The following ZNF91 variants were observed in gnomAD, a reference collection of about 807,000 sequenced individuals.
ZNF91 encodes the protein zinc finger protein 91 (HPF7, HTF10).
ZNF91 carries 7 observed loss-of-function variants against 12.6 expected under a neutral mutation model. That is an observed-to-expected ratio of 0.55 (90% CI 0.31 to 1.04). The LOEUF is 1.04. Among genes scored for constraint, ZNF91 ranks in the 50% least tolerant of loss-of-function variants. The probability of loss-of-function intolerance (pLI) is 0.05; values close to 1 mark genes in which losing one functional copy is unlikely to be tolerated. For synonymous variants in ZNF91, 453 were observed against 462.6 expected, an observed-to-expected ratio of 0.98 and a Z score of 0.27; for missense variants, 1,217 against 1,385.4, an observed-to-expected ratio of 0.88 and a Z score of 1.93.
At chr19:23,375,163 A>AAT (rs1568396769) in intron 1 of ZNF91, among the ~76,000 whole-genome samples, 1 of 146,180 alleles carries the variant, frequency 6.8e-6, no homozygotes, top group African/African-American at 2.5e-5. Context: ...ACCACTCAAA[A>AAT]TTTTTTTTTT....
intron 1 of ZNF91, among the ~76,000 whole-genome samples, chr19:23,323,217 T>C (rs1303649707): frequency 6.7e-6 from 1 of 148,808 alleles, no homozygotes; most frequent in Non-Finnish European, 1.5e-5. Context: ...CCTCTTACTT[T>C]TCCTTTCTCT....
At position 23,347,556 on chromosome 19, in the gene ZNF91, C is replaced by T. The variant is rs1968261821; in HGVS notation, c.254-8502G>A. ...AAAGGAGGACTACCAAGCCCAAAAC[C>T]TTCAAAAACAAGGACCATGGTATGT... On this transcript the variant is annotated intron_variant, in intron 3 of 3. Transcript: ENST00000599743. Among the ~76,000 whole-genome samples, 3 of 152,146 alleles carry T rather than the reference C, an allele frequency of 2.0e-5. No homozygotes were observed. The South Asian group carries it at 6.2e-4, about 32-fold the overall frequency.
At chr19:23,332,038 G>GT (rs1179472097) in intron 1 of ZNF91, among the ~76,000 whole-genome samples, 5 of 152,144 alleles carry the variant, frequency 3.3e-5, no homozygotes, top group Non-Finnish European at 7.4e-5. Flanking sequence ...TTTTAAATAA[G>GT]TTTAACCTAC....
intron 1 of ZNF91, among the ~76,000 whole-genome samples, chr19:23,322,183 T>TG (rs1338249748): frequency 2.0e-5 from 3 of 152,238 alleles, no homozygotes; most frequent in Non-Finnish European, 2.9e-5. Context: ...CTCTTCTTCC[T>TG]GAGCCCTACC....
Position 23,361,908 on chromosome 19 carries a change from T to G in ZNF91, c.1071A>C (p.Lys357Asn). 1 of 1,613,586 alleles carries G rather than the reference T, an allele frequency of 6.2e-7. No homozygotes were observed. Among genetic ancestry groups the G allele is most frequent in the South Asian group, 1.1e-5 (1 of 91,072 alleles). Residue 357 changes from lysine (K) to asparagine (N), a missense_variant, in exon 4 of 4, where the codon AAA (lysine) becomes AAC (asparagine). Lys to Asn is a moderately conservative substitution (Grantham distance 94). Coordinates refer to ENST00000300619, the MANE Select transcript of ZNF91 (RefSeq NM_003430.4). ...CAAGGGTTGAGGAATTGCTAAAAGCTTTGCCACATTCTTTACATTTGTAGG... is the reference window on the plus strand; with the variant it reads ...CAAGGGTTGAGGAATTGCTAAAAGCGTTGCCACATTCTTTACATTTGTAGG... ...EKPYKCKECG[K>N]AFSNSSTLAN... is the part of the protein sequence containing the mutation.
At position 23,359,214 on chromosome 19, in the gene ZNF91, A is replaced by G. The variant is rs1599717786; in HGVS notation, c.*189T>C. On this transcript the variant is annotated 3_prime_UTR_variant, in exon 4 of 4. Transcript: ENST00000300619. ...CTTTATATTTGTAGGGTTTCTCTCT[A>G]GTATGAATTTTCTTTTTTTTTTTTT... 4.2e-6 allele frequency: 2 copies of G among 475,586 alleles called. No individual in the cohort carries two copies. Among genetic ancestry groups the G allele is most frequent in the East Asian group, 4.3e-5 (1 of 23,404 alleles). 29.5% of individuals were successfully genotyped at this position (475,586 alleles called of 1,614,324 possible).
At chr19:23,321,368 A>G (rs191969152) in intron 1 of ZNF91, among the ~76,000 whole-genome samples, 2 of 152,092 alleles carry the variant, frequency 1.3e-5, no homozygotes, top group African/African-American at 4.8e-5. Context: ...CAGAAGGGAC[A>G]TTGTGACACA....
At chr19:23,348,866 A>C (rs1568376437) in intron 3 of ZNF91, among the ~76,000 whole-genome samples, 5 of 152,094 alleles carry the variant, frequency 3.3e-5, no homozygotes, top group Non-Finnish European at 7.3e-5. Context: ...GAATATTAAT[A>C]ATTAATAACC....
Position 23,362,244 on chromosome 19 carries a change from T to A in ZNF91, c.735A>T (p.Lys245Asn), listed in dbSNP as rs772636814. Residue 245 changes from lysine (K) to asparagine (N), a missense_variant, in exon 4 of 4, where the codon AAA becomes AAT. By Grantham distance (94) the Lys-to-Asn change is moderately conservative. This residue lies in a region of ZNF91 where 726 missense variants were observed against 895.5 expected (regional missense o/e 0.81). Coordinates refer to ENST00000300619, the MANE Select transcript of ZNF91 (RefSeq NM_003430.4). ...TAAGGGTTGAGAGCTGCTTAAAAGC[T>A]TTGCCACATTCTTCACATTTGTAGG... ...DKPYKCEECG[K>N]AFKQLSTLTT... 6.2e-7 allele frequency: 1 copy of A among 1,614,118 alleles called. No homozygotes were observed. Among genetic ancestry groups the A allele is most frequent in the South Asian group, 1.1e-5 (1 of 91,080 alleles).
At chr19:23,324,982 G>A (rs1967810748) in intron 1 of ZNF91, 1 of 151,798 alleles carries the variant, frequency 6.6e-6, no homozygotes, top group Admixed American at 6.6e-5. Context: ...GGCTGAGAGG[G>A]ATGGGGATAA....
At chr19:23,341,711 AT>A (rs1300569657) in intron 3 of ZNF91, among the ~76,000 whole-genome samples, 1 of 152,068 alleles carries the variant, frequency 6.6e-6, no homozygotes, top group African/African-American at 2.4e-5. Flanking sequence ...GATTGCTAAT[AT>A]TAAAAAAAAA....
At position 23,390,476 on chromosome 19, in the gene ZNF91, C is replaced by T. The variant is rs530977503; in HGVS notation, c.30+4849G>A. 1.1e-4 allele frequency among the ~76,000 whole-genome samples: 17 copies of T among 152,060 alleles called. No homozygotes were observed. The South Asian group carries it at 1.7e-3, about 15-fold the overall frequency. On this transcript the variant is annotated intron_variant, in intron 1 of 3. Transcript: ENST00000300619. ...CCAAGAACACTTTATGGTGGGGGGG[C>T]GGAAAAACCCTTTTCATTATGATGC...
intron 1 of ZNF91, among the ~76,000 whole-genome samples, chr19:23,381,806 C>A (rs923376767): frequency 1.3e-5 from 2 of 152,050 alleles, no homozygotes. Context: ...CTTTAGCCTG[C>A]AAATAATCAT....
chr19:23,334,025 C>G (rs1967965671), downstream of ZNF91, among the ~76,000 whole-genome samples: 1 of 152,116 alleles, frequency 6.6e-6, no homozygotes, highest in Non-Finnish European at 1.5e-5. Flanking sequence ...ACAGCAAGAA[C>G]AAGTGGAGAA....
chr19:23,362,093 A>G lies in ZNF91; in HGVS notation c.886T>C (p.Cys296Arg), dbSNP rs1391782074. 1 of 1,614,064 alleles carries G rather than the reference A, an allele frequency of 6.2e-7. No individual in the cohort carries two copies. Among genetic ancestry groups the G allele is most frequent in the South Asian group, 1.1e-5 (1 of 91,080 alleles). The change falls in exon 4 of 4, where the codon TGT (cysteine) becomes CGT (arginine). Residue 296 changes from cysteine to arginine, a missense_variant. Transcript: ENST00000300619. Reference protein sequence around the residue: ...RIHTGEKPYKCEECGKAFSHS... With the variant: ...RIHTGEKPYKREECGKAFSHS... ...CTAAAAGCTTTGCCACATTCTTCACATTTGTAGGGTTTCTCTCCAGTGTGT... is the reference window on the plus strand; with the variant it reads ...CTAAAAGCTTTGCCACATTCTTCACGTTTGTAGGGTTTCTCTCCAGTGTGT...
At chr19:23,382,337 A>G (rs1225007191) in intron 1 of ZNF91, among the ~76,000 whole-genome samples, 2 of 152,324 alleles carry the variant, frequency 1.3e-5, no homozygotes, top group African/African-American at 4.8e-5. Flanking sequence ...AAAACAGAAG[A>G]GAGAAAGGTG....
intron 3 of ZNF91, among the ~76,000 whole-genome samples, chr19:23,373,290 G>C (rs916273413): frequency 2.0e-5 from 3 of 147,106 alleles, no homozygotes; most frequent in Admixed American, 6.9e-5. Context: ...AAAATTTAAA[G>C]TCATTGAAAT....
intron 3 of ZNF91, among the ~76,000 whole-genome samples, chr19:23,362,948 ACAG>A (rs1202120617): frequency 1.1e-4 from 16 of 152,108 alleles, no homozygotes; most frequent in African/African-American, 3.6e-4. Flanking sequence ...ATCTTGGCTC[ACAG>A]CAAGCCCTGC....
rs1013432775 is a variant in ZNF91 at position 23,331,086 on chromosome 19, G to A, written n.117-21989C>T. 4.6e-5 allele frequency among the ~76,000 whole-genome samples: 7 copies of A among 152,174 alleles called. No homozygotes were observed. The East Asian group carries it at 1.4e-3, about 29-fold the overall frequency. The stretch of plus-strand genomic sequence containing the variant: ...CCATACATGCTGTCTGTTGGGTGAT[G>A]TAAGTTTTCCTAAATATTTGTGTAT... On this transcript the variant is annotated intron_variant and non_coding_transcript_variant, in intron 1 of 1. Coordinates refer to the ZNF91 transcript ENST00000596528.
Sources: allele counts gnomAD v4.1 joint callset (sites outside exome capture counted in the v4.1 genomes callset), GRCh38; gene constraint gnomAD v4.1.1; regional missense constraint gnomAD v4.1.1; transcripts MANE v1.5; gene names NCBI Gene and HGNC (gene_info 2026-07-23, HGNC 2026-07-21).